Variants in PWWP3B observed in about 807,000 individuals in gnomAD.
PWWP3B encodes PWWP domain-containing DNA repair factor 3B.
PWWP3B carries 5 observed loss-of-function variants against 15.7 expected under a neutral mutation model. The ratio of observed to expected loss-of-function variants is 0.32; its 90% confidence interval spans 0.17 to 0.67. The LOEUF (loss-of-function observed/expected upper bound fraction) is 0.67, where lower values mean the gene tolerates loss of function less well. Ranked by LOEUF, PWWP3B falls within the 30% of genes least tolerant of loss-of-function variation. PWWP3B has a pLI of 0.74. For missense variants in PWWP3B, 519 were observed against 493.1 expected, an observed-to-expected ratio of 1.05 and a Z score of -0.50; for synonymous variants, 203 against 179.8, an observed-to-expected ratio of 1.13 and a Z score of -1.03.
At chrX:106,192,164 C>G (rs1436869725) in intron 2 of PWWP3B, among the ~76,000 whole-genome samples, 1 of 111,592 alleles carries the variant, frequency 9.0e-6, no homozygotes, top group Non-Finnish European at 1.9e-5. Flanking sequence ...GTGAATCCAT[C>G]AGGTCCTGGA....
intron 1 of PWWP3B, among the ~76,000 whole-genome samples, chrX:106,169,703 C>T (rs1004926614): frequency 8.9e-6 from 1 of 112,079 alleles, no homozygotes; most frequent in Non-Finnish European, 1.9e-5. Context: ...CATATTATGA[C>T]ATAGTCATAT....
chrX:106,197,907 A>G (rs1923473498), intron 2 of PWWP3B, among the ~76,000 whole-genome samples: 1 of 111,753 alleles, frequency 8.9e-6, no homozygotes, highest in Admixed American at 9.6e-5. Context: ...AGCTTTTTAT[A>G]TCCTAAGTGG....
chrX:106,190,395 G>T (rs1420546956), intron 2 of PWWP3B, among the ~76,000 whole-genome samples: 1 of 111,624 alleles, frequency 9.0e-6, no homozygotes, highest in East Asian at 2.8e-4. Context: ...GGGGTTGTTT[G>T]TTTTTTTCTT....
intron 2 of PWWP3B, among the ~76,000 whole-genome samples, chrX:106,194,359 A>G (rs1219795134): frequency 9.0e-6 from 1 of 111,689 alleles, no homozygotes; most frequent in South Asian, 3.7e-4. Flanking sequence ...TGCATTTGTC[A>G]TGTAGCTCTC....
chrX:106,201,636 C>T (rs1923712918), intron 2 of PWWP3B: 1 of 111,819 alleles, frequency 8.9e-6, no homozygotes, highest in Non-Finnish European at 1.9e-5. Context: ...TCCCCTGATC[C>T]AGGCAGGGGC....
intron 1 of PWWP3B, among the ~76,000 whole-genome samples, chrX:106,169,373 G>A (rs1208812635): frequency 2.7e-5 from 3 of 112,086 alleles, no homozygotes; most frequent in Admixed American, 9.5e-5. Flanking sequence ...AATGTATGCC[G>A]TGAACAACTC....
intron 2 of PWWP3B, among the ~76,000 whole-genome samples, chrX:106,197,993 G>A (rs1007095580): frequency 3.6e-5 from 4 of 111,795 alleles, no homozygotes; most frequent in Non-Finnish European, 5.6e-5. Context: ...GTATGCTTTA[G>A]GAAGAAGCAG....
At chrX:106,174,520 C>T (rs1051529054) in intron 2 of PWWP3B, among the ~76,000 whole-genome samples, 4 of 111,585 alleles carry the variant, frequency 3.6e-5, no homozygotes, top group African/African-American at 1.3e-4. Context: ...GCAACTTTCC[C>T]ATACTGAATT....
At chrX:106,191,255 C>T (rs1195093406) in intron 2 of PWWP3B, among the ~76,000 whole-genome samples, 11 of 110,543 alleles carry the variant, frequency 1.0e-4, no homozygotes, top group African/African-American at 3.6e-4. Context: ...TGAAGAGGTC[C>T]TTCACATCCC....
intron 2 of PWWP3B, among the ~76,000 whole-genome samples, chrX:106,191,936 G>A (rs1477556943): frequency 9.0e-6 from 1 of 111,589 alleles, no homozygotes; most frequent in Non-Finnish European, 1.9e-5. Context: ...TGCTGGATCC[G>A]ATTTGCCAGT....
chrX:106,186,992 C>T (rs1770831646), intron 2 of PWWP3B, among the ~76,000 whole-genome samples: 1 of 111,835 alleles, frequency 8.9e-6, no homozygotes, highest in African/African-American at 3.3e-5. Flanking sequence ...ATTTACAATC[C>T]TCTAGCTAGA....
At chrX:106,192,067 G>A (rs919096567) in intron 2 of PWWP3B, among the ~76,000 whole-genome samples, 4 of 111,912 alleles carry the variant, frequency 3.6e-5, no homozygotes, top group Admixed American at 9.4e-5. Context: ...AAATGAGTTA[G>A]GGAGGATTCC....
In PWWP3B at chrX:106,206,898, T is replaced by G. The variant is rs1343060955; in HGVS notation, c.1466T>G (p.Leu489Trp). The G allele has an allele frequency of 8.3e-7, 1 of 1,209,266 alleles. No individual in the cohort carries two copies. The highest frequency in any genetic ancestry group is 1.1e-6 in the Non-Finnish European group (1 of 894,994). ...RIGCGSFTGS[L>W]LEYYAADISY... Reference sequence around the variant, plus strand: ...GGTTGTGGTTCTTTCACGGGCTCTTTGCTTGAGTATTATGCTGCTGATATT... The same window carrying G: ...GGTTGTGGTTCTTTCACGGGCTCTTGGCTTGAGTATTATGCTGCTGATATT... The change falls in exon 4 of 4, where the codon TTG (leucine) becomes TGG (tryptophan). Residue 489 changes from leucine to tryptophan, a missense_variant. Physicochemically the swap from Leu to Trp is moderately conservative, Grantham distance 61 (BLOSUM62 -2). Transcript: ENST00000357175.
At chrX:106,192,292 T>A (rs1371468715) in intron 2 of PWWP3B, among the ~76,000 whole-genome samples, 1 of 111,929 alleles carries the variant, frequency 8.9e-6, no homozygotes, top group East Asian at 2.8e-4. Flanking sequence ...GTCGAGGAAT[T>A]TATCCATTTC....
rs1765397327 is a variant in PWWP3B, at chrX:106,193,295, G to A, written c.-400-10690G>A. On this transcript the variant is annotated intron_variant, in intron 2 of 3. Coordinates refer to ENST00000357175, the MANE Select transcript of PWWP3B (RefSeq NM_001171020.2). ...ATTGATCCCTTTACCATTATGTAAT[G>A]GCCTTCTTTGTCTCTTTTGATCTTT... Among the ~76,000 whole-genome samples the A allele has an allele frequency of 4.5e-5, 5 of 111,235 alleles. No homozygotes were observed. The South Asian group carries it at 1.9e-3, about 43-fold the overall frequency.
chrX:106,190,452 T>C, intron 2 of PWWP3B, among the ~76,000 whole-genome samples: 1 of 111,783 alleles, frequency 8.9e-6, no homozygotes. Flanking sequence ...TAGCCCTTTG[T>C]CAGATGAGTA....
chrX:106,186,177 G>A (rs963036707), intron 2 of PWWP3B, among the ~76,000 whole-genome samples: 3 of 111,138 alleles, frequency 2.7e-5, no homozygotes, highest in African/African-American at 9.8e-5. Context: ...AGGATAGATG[G>A]GTGAGTCTCG....
At position 106,206,126 on chromosome X, in the gene PWWP3B, A is replaced by C. The variant is rs752719088; in HGVS notation, c.694A>C (p.Lys232Gln). 8.3e-7 allele frequency: 1 copy of C among 1,210,836 alleles called. No homozygotes were observed. Reference protein sequence around the residue: ...SAVKEESACVKDEKFAPPLSP... With the variant: ...SAVKEESACVQDEKFAPPLSP... ...AGTCAAAGAGGAAAGTGCATGTGTT[A>C]AAGATGAAAAGTTTGCTCCACCTTT... is the stretch of plus-strand genomic sequence containing the variant. Residue 232 changes from lysine to glutamine, a missense_variant, in exon 4 of 4, where the codon AAA (lysine) becomes CAA (glutamine). Physicochemically the swap from Lys to Gln is moderately conservative, Grantham distance 53 (BLOSUM62 1). Transcript: ENST00000357175.
At position 106,208,039 on chromosome X, in the gene PWWP3B, G is replaced by A. The variant is rs953047538; in HGVS notation, c.*516G>A. The A allele has an allele frequency of 2.8e-4, 35 of 123,693 alleles. No homozygotes were observed. Among genetic ancestry groups the A allele is most frequent in the African/African-American group, 1.1e-3 (33 of 30,875 alleles). 10.2% of individuals were successfully genotyped at this position (123,693 alleles called of 1,213,427 possible). A position where few individuals can be genotyped will look rare whatever the true frequency, so the allele number is the denominator to read the frequency against. ...ATTTATTTTTGCAAAAAAATTATCT[G>A]CTATATAGAACCAAAGATAGATTCG... On this transcript the variant is annotated 3_prime_UTR_variant, in exon 4 of 4. Transcript: ENST00000357175.
Sources: gnomAD v4.1 joint callset for allele counts (sites outside exome capture counted in the v4.1 genomes callset) on GRCh38, gnomAD v4.1.1 for gene constraint, MANE v1.5 for transcripts, NCBI Gene and HGNC (gene_info 2026-07-23, HGNC 2026-07-21) for gene names.